ST7L: variants seen among roughly 807,000 people sequenced by gnomAD.
ST7L encodes suppression of tumorigenicity 7 like.
ST7L carries 57 observed loss-of-function variants against 72.5 expected under a neutral mutation model. That is an observed-to-expected ratio of 0.79 (90% confidence interval 0.64 to 0.98). ST7L has a LOEUF of 0.98. ST7L is among the 50% of genes least tolerant of loss of function. The pLI, the probability that ST7L is intolerant of heterozygous loss-of-function variation, is 0.00. For synonymous variants in ST7L, 221 were observed against 240.9 expected (o/e 0.92, Z 0.77); for missense variants, 576 against 672.2 (o/e 0.86, Z 1.58).
Position 112,540,784 on chromosome 1 carries a change from A to T in ST7L, c.1629+1167T>A. On this transcript the variant is annotated intron_variant, in intron 14 of 14. Coordinates refer to ENST00000358039, the MANE Select transcript of ST7L (RefSeq NM_017744.5). ...AAATACAGAAAATACATTACCAAGT[A>T]AGGACTAGTTTTTCCATGGTTCTCA... 2.3e-6 allele frequency: 3 copies of T among 1,282,110 alleles called. No individual in the cohort carries two copies. The South Asian group carries it at 3.8e-5, about 16-fold the overall frequency. 79.4% of individuals were successfully genotyped at this position (1,282,110 alleles called of 1,614,324 possible).
intron 12 of ST7L, among the ~76,000 whole-genome samples, chr1:112,553,336 T>A (rs1016986986): frequency 2.6e-5 from 4 of 152,204 alleles, no homozygotes; most frequent in African/African-American, 9.6e-5. Context: ...TGCCTCAGCC[T>A]CCCTAGTGGC....
chr1:112,609,359 C>A (rs940520320), intron 3 of ST7L, among the ~76,000 whole-genome samples: 4 of 151,750 alleles, frequency 2.6e-5, no homozygotes. Context: ...TGGTGAAACC[C>A]ATCTCTACTA....
At chr1:112,574,476 T>A (rs370350367) in intron 11 of ST7L, among the ~76,000 whole-genome samples, 5 of 150,418 alleles carry the variant, frequency 3.3e-5, no homozygotes, top group East Asian at 4.0e-4. Flanking sequence ...TGGCTAACAC[T>A]GTGAAACCTC....
At chr1:112,569,749 G>C (rs1464552013) in intron 11 of ST7L, among the ~76,000 whole-genome samples, 1 of 152,166 alleles carries the variant, frequency 6.6e-6, no homozygotes, top group Non-Finnish European at 1.5e-5. Context: ...ACGAGGTCAG[G>C]AGATCAAGAC....
At position 112,610,977 on chromosome 1, in the gene ST7L, C is replaced by A. The variant is rs1668987195; in HGVS notation, c.315G>T (p.Lys105Asn). The A allele has an allele frequency of 6.2e-7, 1 of 1,614,124 alleles. No individual in the cohort carries two copies. The highest frequency in any genetic ancestry group is 8.5e-7 in the Non-Finnish European group (1 of 1,180,020). The change falls in exon 3 of 15, where the codon AAG becomes AAT. Residue 105 changes from lysine to asparagine, a missense_variant. Lys to Asn is a moderately conservative substitution (Grantham distance 94). Coordinates refer to ENST00000358039, the MANE Select transcript of ST7L (RefSeq NM_017744.5). ...CTTGCTCAATAAAAGATGTGCCATGCTTATGGAAGTACCACCATTCAAATA... is the reference window on the plus strand; with the variant it reads ...CTTGCTCAATAAAAGATGTGCCATGATTATGGAAGTACCACCATTCAAATA... The part of the protein sequence containing the change: ...IFIFEWWYFH[K>N]HGTSFIEQVS...
rs1415680693 is a variant in ST7L, at chr1:112,584,005, G to A, written c.823C>T (p.Gln275Ter). ...GCTTCATGCTGAGGACTTTGGTGCT[G>A]GCACTGCTGTGACTGCCTATAAATT... ...ETIYRQSQQC[Q>*]HQSPQHEAQL... Residue 275 changes from glutamine to a stop codon, truncating the protein, a stop_gained, in exon 7 of 15, where the codon CAG becomes TAG. Coordinates refer to ENST00000358039, the MANE Select transcript of ST7L (RefSeq NM_017744.5). LOFTEE classifies it high-confidence loss of function. 6.2e-7 allele frequency: 1 copy of A among 1,614,100 alleles called. No homozygotes were observed. The highest frequency in any genetic ancestry group is 1.3e-5 in the African/African-American group (1 of 75,044).
chr1:112,549,496 T>C (rs1172972254), intron 13 of ST7L, among the ~76,000 whole-genome samples: 1 of 152,256 alleles, frequency 6.6e-6, no homozygotes, highest in Non-Finnish European at 1.5e-5. Flanking sequence ...TATTTTAGTG[T>C]ACATGTCTTA....
intron 11 of ST7L, among the ~76,000 whole-genome samples, chr1:112,563,203 T>A (rs1274212179): frequency 6.6e-6 from 1 of 152,022 alleles, no homozygotes; most frequent in Non-Finnish European, 1.5e-5. Context: ...CTGAAAAACA[T>A]TTCAAAGGTT....
chr1:112,581,292 C>T (rs1384440727), intron 9 of ST7L, among the ~76,000 whole-genome samples: 2 of 152,152 alleles, frequency 1.3e-5, no homozygotes, highest in Admixed American at 1.3e-4. Context: ...ACCCATACTT[C>T]TCCAATTATC....
At chr1:112,555,173 G>C (rs1658893192) in intron 12 of ST7L, among the ~76,000 whole-genome samples, 1 of 152,076 alleles carries the variant, frequency 6.6e-6, no homozygotes, top group Non-Finnish European at 1.5e-5. Flanking sequence ...GTTGATATTA[G>C]TTATGAAGAA....
At chr1:112,522,052 A>C (rs1046762298), downstream of ST7L, 3 of 152,002 alleles carry the variant, frequency 2.0e-5, no homozygotes, top group Non-Finnish European at 4.4e-5. Context: ...TCTTTTAGAG[A>C]TAGGGTCTCG....
At chr1:112,560,326 G>A (rs568092147) in intron 11 of ST7L, among the ~76,000 whole-genome samples, 11 of 151,964 alleles carry the variant, frequency 7.2e-5, no homozygotes, top group East Asian at 3.9e-4. Context: ...CCCGGGAGGC[G>A]GAGTTTGCAG....
chr1:112,566,907 A>G (rs1661152491), intron 11 of ST7L, among the ~76,000 whole-genome samples: 1 of 152,198 alleles, frequency 6.6e-6, no homozygotes, highest in South Asian at 2.1e-4. Flanking sequence ...TATAAATAGA[A>G]CTGCTATGAT....
chr1:112,583,215 AT>A (rs1266465699), intron 7 of ST7L, among the ~76,000 whole-genome samples: 1 of 152,222 alleles, frequency 6.6e-6, no homozygotes, highest in Non-Finnish European at 1.5e-5. Flanking sequence ...ATAAAAAAAG[AT>A]TTAGAACTTA....
chr1:112,523,966 A>G lies in ST7L; in HGVS notation c.*2047T>C, dbSNP rs549056177. The G allele has an allele frequency of 4.2e-4, 64 of 151,948 alleles. No homozygotes were observed. The highest frequency in any genetic ancestry group is 1.5e-3 in the African/African-American group (64 of 41,478). The allele number at this position is 151,948 out of a possible 1,614,324, so 9.4% of individuals were successfully genotyped here. On this transcript the variant is annotated 3_prime_UTR_variant, in exon 15 of 15. Transcript: ENST00000358039. ...CTAATCCACACTCTTCCTTAGAGTG[A>G]TGCTGGAAAAATAAAATCAGGGGCT...
At chr1:112,543,868 C>CAA (rs11418345) in intron 13 of ST7L, among the ~76,000 whole-genome samples, 1,457 of 57,754 alleles carry the variant, frequency 0.025, 42 homozygotes, top group East Asian at 0.097. Context: ...GACTCTATCT[C>CAA]AAAAAAAAAA....
intron 11 of ST7L, among the ~76,000 whole-genome samples, chr1:112,566,913 A>G (rs1333271572): frequency 1.3e-5 from 2 of 152,188 alleles, no homozygotes; most frequent in African/African-American, 2.4e-5. Context: ...TAGAACTGCT[A>G]TGATATTCAT....
At chr1:112,612,240 G>T (rs1669181715) in intron 2 of ST7L, among the ~76,000 whole-genome samples, 1 of 152,006 alleles carries the variant, frequency 6.6e-6, no homozygotes, top group South Asian at 2.1e-4. Context: ...TAGGACTACA[G>T]GCATGTGCCA....
chr1:112,616,264 C>T (rs1189287440), intron 2 of ST7L, among the ~76,000 whole-genome samples: 1 of 152,094 alleles, frequency 6.6e-6, no homozygotes, highest in Non-Finnish European at 1.5e-5. Flanking sequence ...CACCCCAAGC[C>T]CTCCCTGACT....
Sources: allele counts gnomAD v4.1 joint callset (sites outside exome capture counted in the v4.1 genomes callset), GRCh38; gene constraint gnomAD v4.1.1; transcripts MANE v1.5; gene names NCBI Gene and HGNC (gene_info 2026-07-23, HGNC 2026-07-21).